KRI1: variants seen among roughly 807,000 people sequenced by gnomAD.
The protein encoded by KRI1 is protein KRI1 homolog.
Under a neutral mutation model 97.0 loss-of-function variants are expected in KRI1, and 83 were observed. The ratio of observed to expected loss-of-function variants is 0.86; its 90% CI spans 0.72 to 1.03. KRI1 has a LOEUF of 1.03. KRI1 is among the 50% of genes least tolerant of loss of function. The probability of loss-of-function intolerance (pLI) is 0.00; values close to 1 mark genes in which losing one functional copy is unlikely to be tolerated. For synonymous variants in KRI1, 371 were observed against 363.5 expected (o/e 1.02, Z -0.23); for missense variants, 916 against 928.4 (o/e 0.99, Z 0.17).
rs1358393022 is a variant in KRI1 at position 10,561,028 on chromosome 19, CG to C, written c.637del (p.Arg213GlyfsTer6). Reference protein sequence around the residue: ...IEWLKGQKEIRNPDSLKELTH... With the variant: ...IEWLKGQKEIXNPDSLKELTH... The stretch of plus-strand genomic sequence containing the variant: ...CAGTTCCTTCAGGGAATCTGGGTTC[CG>C]AATCTCTTTCTGTCCCTTCAGCCAC... On this transcript the variant is annotated frameshift_variant, in exon 8 of 19. Coordinates refer to ENST00000312962, the MANE Select transcript of KRI1 (RefSeq NM_023008.5). LOFTEE classifies it high-confidence loss of function. 23 of 1,614,022 alleles carry C rather than the reference CG, an allele frequency of 1.4e-5. No homozygotes were observed. Among genetic ancestry groups the C allele is most frequent in the Non-Finnish European group, 1.9e-5 (23 of 1,180,010 alleles).
chr19:10,556,704 A>G (rs1916510884), intron 16 of KRI1, among the ~76,000 whole-genome samples: 1 of 151,598 alleles, frequency 6.6e-6, no homozygotes, highest in Non-Finnish European at 1.5e-5. Flanking sequence ...ATAAAAAGTA[A>G]TATTGGCTGG....
chr19:10,565,032 T>C lies in KRI1; in HGVS notation c.171A>G (p.Glu57=). The C allele has an allele frequency of 6.2e-7, 1 of 1,603,500 alleles. No individual in the cohort carries two copies. The highest frequency in any genetic ancestry group is 1.3e-5 in the African/African-American group (1 of 74,800). ...SESDSSDERV[E]FDPQQERDFY... is the part of the protein sequence containing the mutation. ...AGTCCCGCTCCTGCTGGGGATCAAA[T>C]TCCTAGGGCAGGAAAAGGGTTGGGG... The change falls in exon 3 of 19, where the codon GAA becomes GAG. Residue 57 remains glutamate, a splice_region_variant and synonymous_variant. Transcript: ENST00000312962.
chr19:10,553,227 C>T lies in KRI1; in HGVS notation c.*724G>A. The T allele has an allele frequency of 1.1e-6, 1 of 919,970 alleles. No homozygotes were observed. The highest frequency in any genetic ancestry group is 1.9e-5 in the South Asian group (1 of 53,680). The allele number at this position is 919,970 out of a possible 1,614,324, so 57.0% of individuals were successfully genotyped here. ...TGGGGCCATTCAGCCAGGGACAGAG[C>T]CCACAGAGCCCATACACCTGTCTCC... On this transcript the variant is annotated 3_prime_UTR_variant, in exon 19 of 19. Transcript: ENST00000312962.
rs771711736 is a variant in KRI1, at chr19:10,557,865, T to C, written c.1390A>G (p.Arg464Gly). The stretch of plus-strand genomic sequence containing the variant: ...AAGGGGGCCTCGCGCTTTTTCTTCC[T>C]CGGCTGGCTGGGGTCGTAGTCGGCG... ...MDADYDPSQP[R>G]KKKREAPLTG... The change falls in exon 15 of 19, where the codon AGG (arginine) becomes GGG (glycine). Residue 464 changes from arginine to glycine, a missense_variant. Physicochemically the swap from Arg to Gly is moderately radical, Grantham distance 125 (BLOSUM62 -2). This residue lies in a region of KRI1 where 672 missense variants were observed against 667.2 expected (regional missense o/e 1.01). Coordinates refer to ENST00000312962, the MANE Select transcript of KRI1 (RefSeq NM_023008.5). 29 of 1,613,528 alleles carry C rather than the reference T, an allele frequency of 1.8e-5. No individual in the cohort carries two copies. The East Asian group carries it at 6.2e-4, about 35-fold the overall frequency.
chr19:10,561,793 G>A lies in KRI1; in HGVS notation c.436C>T (p.Gln146Ter). 2 of 1,613,868 alleles carry A rather than the reference G, an allele frequency of 1.2e-6. No individual in the cohort carries two copies. Among genetic ancestry groups the A allele is most frequent in the Non-Finnish European group, 1.7e-6 (2 of 1,179,904 alleles). ...GACCCAGCCTTCACCCCACCCACCT[G>A]GAGTCTGTGATTGGAAGTCTCCCCG... Reference protein sequence around the residue: ...SDGETSNHRLQETSSQSYVEE... With the variant: ...SDGETSNHRL Residue 146 changes from glutamine (Q) to a stop codon, truncating the protein, a stop_gained and splice_region_variant, in exon 5 of 19, where the codon CAG becomes TAG. Transcript: ENST00000312962. LOFTEE classifies it high-confidence loss of function.
In KRI1 at chr19:10,553,981, C is replaced by G. The variant is rs1378837738; in HGVS notation, c.2082G>C (p.Arg694Ser). 3.7e-6 allele frequency: 6 copies of G among 1,610,630 alleles called. No individual in the cohort carries two copies. Among genetic ancestry groups the G allele is most frequent in the South Asian group, 1.1e-5 (1 of 90,688 alleles). The change falls in exon 19 of 19, where the codon AGG (arginine) becomes AGC (serine). Residue 694 changes from arginine to serine, a missense_variant. Arg to Ser is a moderately radical substitution (Grantham distance 110, BLOSUM62 -1). This residue lies in a region of KRI1 where 672 missense variants were observed against 667.2 expected (regional missense o/e 1.01). Coordinates refer to ENST00000312962, the MANE Select transcript of KRI1 (RefSeq NM_023008.5). Reference sequence around the variant, plus strand: ...AGCTGTTCTTGGGCCCCTGTTGTTTCCTCCGCTGCCGGCCCAGCTGGCGGA... The same window carrying G: ...AGCTGTTCTTGGGCCCCTGTTGTTTGCTCCGCTGCCGGCCCAGCTGGCGGA... ...LHFRQLGRQR[R>S]KQQGPKNSS
At position 10,561,225 on chromosome 19, in the gene KRI1, C is replaced by G; in HGVS notation, c.529G>C (p.Ala177Pro). The G allele has an allele frequency of 6.2e-7, 1 of 1,614,158 alleles. No individual in the cohort carries two copies. The change falls in exon 7 of 19, where the codon GCT becomes CCT. Residue 177 changes from alanine to proline, a missense_variant. Physicochemically the swap from Ala to Pro is conservative, Grantham distance 27 (BLOSUM62 -1). Transcript: ENST00000312962. Reference protein sequence around the residue: ...FVEDSEDEDGAGEGGSSLLQK... With the variant: ...FVEDSEDEDGPGEGGSSLLQK... ...AGCAAACTGGAGCCGCCCTCCCCAG[C>G]GCCGTCCTCGTCCTCACTGTCCTCC... is the stretch of plus-strand genomic sequence containing the variant.
chr19:10,559,036 CCTCT>C (rs1338868092), intron 12 of KRI1, among the ~76,000 whole-genome samples: 1 of 147,594 alleles, frequency 6.8e-6, no homozygotes, highest in East Asian at 2.0e-4. Flanking sequence ...ACAGAGGCTC[CCTCT>C]GTCGCCCAGG....
intron 9 of KRI1, 71 bp from the exon 10 acceptor site, chr19:10,560,007 G>A (rs932917187): frequency 6.4e-6 from 10 of 1,560,600 alleles, no homozygotes; most frequent in Non-Finnish European, 7.8e-6. Flanking sequence ...CTGCACGCCT[G>A]GGTACGAAGC....
chr19:10,555,994 G>C (rs1916491856), intron 16 of KRI1, among the ~76,000 whole-genome samples: 1 of 152,134 alleles, frequency 6.6e-6, no homozygotes, highest in Admixed American at 6.6e-5. Flanking sequence ...GCACAGATAG[G>C]GGAATCATTT....
At chr19:10,564,602 G>T (rs1916803931) in intron 3 of KRI1, among the ~76,000 whole-genome samples, 1 of 152,158 alleles carries the variant, frequency 6.6e-6, no homozygotes, top group Non-Finnish European at 1.5e-5. Flanking sequence ...GGTGGAGTTG[G>T]AATCATTCAG....
At chr19:10,565,177 A>T in intron 2 of KRI1, 143 bp from the exon 3 acceptor site, 8 of 634,446 alleles carry the variant, frequency 1.3e-5, no homozygotes, top group Middle Eastern at 4.0e-4. Flanking sequence ...AAACAGCAGG[A>T]GGGAGAGGGG....
chr19:10,559,686 A>G lies in KRI1; in HGVS notation c.950T>C (p.Ile317Thr). 6.2e-7 allele frequency: 1 copy of G among 1,613,880 alleles called. No homozygotes were observed. The highest frequency in any genetic ancestry group is 8.5e-7 in the Non-Finnish European group (1 of 1,179,982). Residue 317 changes from isoleucine (I) to threonine (T), a missense_variant, in exon 11 of 19, where the codon ATC (isoleucine) becomes ACC (threonine). Ile to Thr is a moderately conservative substitution (Grantham distance 89). Transcript: ENST00000312962. ...ATCCTTACGGCGCACGGAGGACGCG[A>G]TGCTGCGTGGGTAGGTCTTGACCTA... ...SASVKTYPRS[I>T]ASSVRRKDER...
chr19:10,559,674 A>G lies in KRI1; in HGVS notation c.962T>C (p.Val321Ala). The change falls in exon 11 of 19, where the codon GTG becomes GCG. Residue 321 changes from valine (V) to alanine (A), a missense_variant. This residue lies in a region of KRI1 where 672 missense variants were observed against 667.2 expected (regional missense o/e 1.01). Transcript: ENST00000312962. ...CTTTCTGCGCTCATCCTTACGGCGC[A>G]CGGAGGACGCGATGCTGCGTGGGTA... ...KTYPRSIASS[V>A]RRKDERRKEK... The G allele has an allele frequency of 6.2e-7, 1 of 1,613,906 alleles. No homozygotes were observed. Among genetic ancestry groups the G allele is most frequent in the Non-Finnish European group, 8.5e-7 (1 of 1,180,000 alleles).
chr19:10,561,433 T>C (rs1916693829), intron 6 of KRI1, among the ~76,000 whole-genome samples, 168 bp from the exon 7 acceptor site: 1 of 152,068 alleles, frequency 6.6e-6, no homozygotes, highest in Non-Finnish European at 1.5e-5. Context: ...GCCCTGAGAT[T>C]ACAGGCATGA....
chr19:10,553,902 G>C lies in KRI1; in HGVS notation c.*49C>G, dbSNP rs1916401427. 5.5e-6 allele frequency: 8 copies of C among 1,442,648 alleles called. No individual in the cohort carries two copies. The highest frequency in any genetic ancestry group is 6.5e-6 in the Non-Finnish European group (7 of 1,076,920). The allele number at this position is 1,442,648 out of a possible 1,614,324, so 89.4% of individuals were successfully genotyped here. ...ACTTGTGGGTGCGAGACCTGTCCAG[G>C]GCTTGATTTGAGGAGAGGAGCCTGA... On this transcript the variant is annotated 3_prime_UTR_variant, in exon 19 of 19. Coordinates refer to ENST00000312962, the MANE Select transcript of KRI1 (RefSeq NM_023008.5).
rs142680117 is a variant in KRI1, at chr19:10,555,152, C to T, written c.1716G>A (p.Ala572=). 5,500 of 1,612,708 alleles carry T rather than the reference C, an allele frequency of 3.4e-3. 14 individuals are homozygous for T. The highest frequency in any genetic ancestry group is 3.6e-3 in the South Asian group (332 of 90,982). Residue 572 remains alanine (A), a synonymous_variant, in exon 18 of 19, where the codon GCG becomes GCA. Coordinates refer to ENST00000312962, the MANE Select transcript of KRI1 (RefSeq NM_023008.5). ...SEQEELRDKR[A]YSQKAQNSWK... ...ATGAGTTCTGGGCCTTCTGGCTGTA[C>T]GCCCGCTTGTCCCGCAGCTCCTCCT...
chr19:10,565,592 C>A, intron 2 of KRI1, 125 bp downstream of exon 2: 2 of 1,218,794 alleles, frequency 1.6e-6, no homozygotes, highest in Non-Finnish European at 2.2e-6. Context: ...GGATGGGGAG[C>A]GGAGGATGGG....
chr19:10,553,851 A>C lies in KRI1; in HGVS notation c.*100T>G. The C allele has an allele frequency of 9.6e-7, 1 of 1,045,796 alleles. No homozygotes were observed. The allele number at this position is 1,045,796 out of a possible 1,614,324, so 64.8% of individuals were successfully genotyped here. ...GGATTACAGGCGTGCCTGGCCACAG[A>C]TGAGAGGATCTCTGCAGCAGATAGT... On this transcript the variant is annotated 3_prime_UTR_variant, in exon 19 of 19. Transcript: ENST00000312962.
Sources: gnomAD v4.1 joint callset for allele counts (sites outside exome capture counted in the v4.1 genomes callset) on GRCh38, gnomAD v4.1.1 for gene constraint, gnomAD v4.1.1 regional missense constraint, MANE v1.5 for transcripts, NCBI Gene and HGNC (gene_info 2026-07-23, HGNC 2026-07-21) for gene names.